PAK5: variants seen among roughly 807,000 people sequenced by gnomAD.
The protein encoded by PAK5 is p21 (RAC1) activated kinase 5, also known as serine/threonine-protein kinase PAK 5.
A neutral mutation model predicts 65.9 loss-of-function variants in PAK5; 16 were observed. The observed-to-expected ratio is 0.24, with a 90% CI of 0.16 to 0.37. PAK5 has a LOEUF of 0.37. PAK5 is among the 10% of genes least tolerant of loss of function. The pLI is 1.00. For missense variants in PAK5, 785 were observed against 903.9 expected, an observed-to-expected ratio of 0.87 and a Z score of 1.69; for synonymous variants, 371 against 354.9, an observed-to-expected ratio of 1.05 and a Z score of -0.51.
intron 1 of PAK5, among the ~76,000 whole-genome samples, chr20:9,809,237 C>A (rs904309056): frequency 1.3e-5 from 2 of 151,932 alleles, no homozygotes; most frequent in Non-Finnish European, 2.9e-5. Context: ...CACACCAGAT[C>A]TCTCAAATCA....
chr20:9,802,007 G>C (rs994008660), intron 1 of PAK5, among the ~76,000 whole-genome samples: 1 of 152,162 alleles, frequency 6.6e-6, no homozygotes, highest in African/African-American at 2.4e-5. Context: ...GATTTTGCTT[G>C]ATCACAAAGA....
intron 7 of PAK5, among the ~76,000 whole-genome samples, chr20:9,555,548 C>G (rs193269392): frequency 1.5e-4 from 23 of 152,280 alleles, no homozygotes; most frequent in Admixed American, 3.9e-4. Flanking sequence ...ATTCTGACAC[C>G]GTGGAGCCTT....
chr20:9,640,905 A>G (rs908356394), intron 3 of PAK5, among the ~76,000 whole-genome samples: 2 of 152,176 alleles, frequency 1.3e-5, no homozygotes, highest in Admixed American at 1.3e-4. Context: ...CCGAAGAGTG[A>G]GCAGTAGCAA....
chr20:9,679,724 A>T (rs1418976313), intron 2 of PAK5, among the ~76,000 whole-genome samples: 1 of 152,174 alleles, frequency 6.6e-6, no homozygotes, highest in Non-Finnish European at 1.5e-5. Context: ...CGGTGCTCTC[A>T]TTTCCCAACA....
At chr20:9,794,233 C>T (rs2123722741) in intron 1 of PAK5, among the ~76,000 whole-genome samples, 1 of 151,952 alleles carries the variant, frequency 6.6e-6, no homozygotes, top group African/African-American at 2.4e-5. Flanking sequence ...GCATGTGGGG[C>T]TTAAAACCTA....
At chr20:9,817,549 T>A (rs2049371748) in intron 1 of PAK5, among the ~76,000 whole-genome samples, 1 of 152,116 alleles carries the variant, frequency 6.6e-6, no homozygotes, top group South Asian at 2.1e-4. Context: ...AATAAACAGA[T>A]AAATGAACGA....
intron 1 of PAK5, among the ~76,000 whole-genome samples, chr20:9,717,402 G>C (rs769691251): frequency 2.6e-5 from 4 of 152,074 alleles, no homozygotes; most frequent in Non-Finnish European, 5.9e-5. Flanking sequence ...ATAATGAATA[G>C]TAAAAAAATT....
chr20:9,798,649 A>T (rs1428383657), intron 1 of PAK5, among the ~76,000 whole-genome samples: 1 of 152,148 alleles, frequency 6.6e-6, no homozygotes, highest in Non-Finnish European at 1.5e-5. Context: ...TTTGCAGACA[A>T]TGGAAAAAGT....
At chr20:9,790,740 C>A (rs2049041596) in intron 1 of PAK5, among the ~76,000 whole-genome samples, 1 of 152,120 alleles carries the variant, frequency 6.6e-6, no homozygotes, top group African/African-American at 2.4e-5. Flanking sequence ...CTCAAGTGAT[C>A]TTCCCATCTC....
chr20:9,696,039 T>G (rs1159129528), intron 2 of PAK5, among the ~76,000 whole-genome samples: 1 of 152,110 alleles, frequency 6.6e-6, no homozygotes, highest in Non-Finnish European at 1.5e-5. Flanking sequence ...TATTTTTATT[T>G]CAACATATGG....
At chr20:9,627,331 T>C (rs912339467) in intron 3 of PAK5, among the ~76,000 whole-genome samples, 1 of 152,196 alleles carries the variant, frequency 6.6e-6, no homozygotes, top group African/African-American at 2.4e-5. Flanking sequence ...AAAGTGAACT[T>C]GGCTTGGGGT....
At chr20:9,713,952 G>T (rs760457237) in intron 1 of PAK5, among the ~76,000 whole-genome samples, 1 of 151,912 alleles carries the variant, frequency 6.6e-6, no homozygotes, top group Non-Finnish European at 1.5e-5. Flanking sequence ...AGTGCCATAG[G>T]AAAATTACAC....
At chr20:9,570,577 C>T (rs1394978993) in intron 4 of PAK5, among the ~76,000 whole-genome samples, 2 of 110,098 alleles carry the variant, frequency 1.8e-5, no homozygotes, top group African/African-American at 5.9e-5. Context: ...CTGGATTCTT[C>T]CTTCAATAAG....
chr20:9,699,069 C>T (rs995255658), intron 2 of PAK5, among the ~76,000 whole-genome samples: 2 of 152,088 alleles, frequency 1.3e-5, no homozygotes, highest in Non-Finnish European at 2.9e-5. Context: ...GGAACAAATC[C>T]TTAAAGAACG....
At chr20:9,735,350 T>C (rs1373548910) in intron 1 of PAK5, among the ~76,000 whole-genome samples, 2 of 152,134 alleles carry the variant, frequency 1.3e-5, no homozygotes, top group Non-Finnish European at 2.9e-5. Context: ...ATTTGTACAA[T>C]GTCTCCCTCA....
chr20:9,670,465 TA>T (rs1324728407), intron 2 of PAK5, among the ~76,000 whole-genome samples: 1 of 152,216 alleles, frequency 6.6e-6, no homozygotes, highest in African/African-American at 2.4e-5. Flanking sequence ...ATTGCCATTC[TA>T]ACTGGTGTGA....
intron 2 of PAK5, among the ~76,000 whole-genome samples, chr20:9,675,903 C>CATTT (rs1555911970): frequency 0.028 from 3,890 of 140,884 alleles, 77 homozygotes; most frequent in African/African-American, 0.062. Flanking sequence ...AATTCTGTAA[C>CATTT]ACTTACAACA....
intron 2 of PAK5, among the ~76,000 whole-genome samples, chr20:9,701,386 C>T (rs958039547): frequency 6.6e-6 from 1 of 152,134 alleles, no homozygotes; most frequent in Non-Finnish European, 1.5e-5. Context: ...AGGGGACCAG[C>T]TGAGCTTGCC....
At chr20:9,655,879 C>T (rs1472065374) in intron 2 of PAK5, among the ~76,000 whole-genome samples, 1 of 152,082 alleles carries the variant, frequency 6.6e-6, no homozygotes, top group African/African-American at 2.4e-5. Flanking sequence ...TGACTTCTTC[C>T]CCCTACATAT....
Sources: gnomAD v4.1 joint callset for allele counts (sites outside exome capture counted in the v4.1 genomes callset) on GRCh38, gnomAD v4.1.1 for gene constraint, MANE v1.5 for transcripts, NCBI Gene and HGNC (gene_info 2026-07-23, HGNC 2026-07-21) for gene names.